The following ELK4 variants were observed in gnomAD, a reference collection of about 807,000 sequenced individuals.
ELK4 encodes the protein ETS transcription factor ELK4, also known as ETS domain-containing protein Elk-4.
In ELK4, 16 loss-of-function variants were observed where a neutral mutation model predicts 29.6. That is an observed-to-expected ratio of 0.54 (90% CI 0.37 to 0.82). The LOEUF (loss-of-function observed/expected upper bound fraction) is 0.82, where lower values mean the gene tolerates loss of function less well. Among genes scored for constraint, ELK4 ranks in the 40% least tolerant of loss-of-function variants. The probability of loss-of-function intolerance (pLI) is 0.00; values close to 1 mark genes in which losing one functional copy is unlikely to be tolerated. For missense variants in ELK4, 465 were observed against 507.1 expected (o/e 0.92, Z 0.80); for synonymous variants, 213 against 191.1 (o/e 1.11, Z -0.95).
At position 205,614,155 on chromosome 1, in the gene ELK4, C is replaced by CA; in HGVS notation, c.*2390dup. On this transcript the variant is annotated 3_prime_UTR_variant, in exon 5 of 5. Transcript: ENST00000357992. ...ACCTCTGAGAGGCTATAGATTTATGCAAAAAGGACTCACTAAAATGGTTTA... is the reference window on the plus strand; with the variant it reads ...ACCTCTGAGAGGCTATAGATTTATGCAAAAAAGGACTCACTAAAATGGTTTA... 1 of 221,480 alleles carries CA rather than the reference C, an allele frequency of 4.5e-6. No homozygotes were observed. The highest frequency in any genetic ancestry group is 9.0e-6 in the Non-Finnish European group (1 of 110,656). The allele number at this position is 221,480 out of a possible 1,614,324, so 13.7% of individuals were successfully genotyped here. A position where few individuals can be genotyped will look rare whatever the true frequency, so the allele number is the denominator to read the frequency against.
intron 1 of ELK4, chr1:205,626,278 A>AG: frequency 2.5e-6 from 1 of 405,342 alleles, no homozygotes; most frequent in East Asian, 5.1e-5. Flanking sequence ...TTAATGTTTG[A>AG]GGCTTTCTTT....
At position 205,620,016 on chromosome 1, in the gene ELK4, G is replaced by A. The variant is rs1383801602; in HGVS notation, c.1030C>T (p.Leu344=). The A allele has an allele frequency of 6.2e-7, 1 of 1,614,240 alleles. No individual in the cohort carries two copies. The highest frequency in any genetic ancestry group is 8.5e-7 in the Non-Finnish European group (1 of 1,180,040). The change falls in exon 3 of 5, where the codon CTG becomes TTG. Residue 344 remains leucine, a synonymous_variant. Coordinates refer to ENST00000357992, the MANE Select transcript of ELK4 (RefSeq NM_001973.4). ...TSSDPSPLGI[L]SPSLPTASLT... is the part of the protein sequence containing the mutation. ...GAAGCTGTAGGGAGAGATGGGCTCA[G>A]TATTCCCAGTGGGCTTGGATCACTG...
rs1332778477 is a variant in ELK4 at position 205,610,857 on chromosome 1, G to A, written c.*5689C>T. Reference sequence around the variant, plus strand: ...ATTTACTAGGACAATAAATCAGAATGACTTGGAAAAAGAAATGGTCTAGTC... The same window carrying A: ...ATTTACTAGGACAATAAATCAGAATAACTTGGAAAAAGAAATGGTCTAGTC... On this transcript the variant is annotated 3_prime_UTR_variant, in exon 5 of 5. Transcript: ENST00000357992. 1 of 230,464 alleles carries A rather than the reference G, an allele frequency of 4.3e-6. No individual in the cohort carries two copies. The highest frequency in any genetic ancestry group is 8.6e-6 in the Non-Finnish European group (1 of 116,466). The allele number at this position is 230,464 out of a possible 1,614,324, so 14.3% of individuals were successfully genotyped here.
At chr1:205,630,122 T>C (rs1174638816) in intron 1 of ELK4, among the ~76,000 whole-genome samples, 3 of 152,104 alleles carry the variant, frequency 2.0e-5, no homozygotes, top group Admixed American at 1.3e-4. Flanking sequence ...GCTAATTACT[T>C]GATTTTCCTT....
intron 2 of ELK4, 67 bp downstream of exon 2, chr1:205,623,609 C>A: frequency 5.7e-6 from 9 of 1,577,302 alleles, no homozygotes; most frequent in Non-Finnish European, 7.8e-6. Context: ...GCCACTGTGC[C>A]CAGCCAAGAA....
chr1:205,627,546 T>C (rs1214306530), intron 1 of ELK4, among the ~76,000 whole-genome samples: 2 of 151,252 alleles, frequency 1.3e-5, no homozygotes, highest in Non-Finnish European at 1.5e-5. Flanking sequence ...TAAACTTAGA[T>C]TGTGTTCATG....
intron 1 of ELK4, among the ~76,000 whole-genome samples, chr1:205,629,257 A>G (rs940223215): frequency 1.3e-5 from 2 of 152,164 alleles, no homozygotes; most frequent in Non-Finnish European, 2.9e-5. Context: ...AAAAGATATA[A>G]AGTGGACATT....
intron 1 of ELK4, among the ~76,000 whole-genome samples, chr1:205,630,322 G>A (rs1029492322): frequency 5.9e-5 from 9 of 152,164 alleles, no homozygotes; most frequent in Admixed American, 5.9e-4. Context: ...AAGGGAGCAT[G>A]TTGAAGTAAT....
chr1:205,623,648 T>A, intron 2 of ELK4, 28 bp downstream of exon 2: 1 of 1,611,024 alleles, frequency 6.2e-7, no homozygotes, highest in East Asian at 2.2e-5. Context: ...AGGTTCTCTG[T>A]ATAGTATAAG....
At position 205,614,483 on chromosome 1, in the gene ELK4, C is replaced by T. The variant is rs1337621785; in HGVS notation, c.*2063G>A. 1 of 228,016 alleles carries T rather than the reference C, an allele frequency of 4.4e-6. No individual in the cohort carries two copies. Among genetic ancestry groups the T allele is most frequent in the African/African-American group, 2.2e-5 (1 of 44,984 alleles). The allele number at this position is 228,016 out of a possible 1,614,324, so 14.1% of individuals were successfully genotyped here. Reference sequence around the variant, plus strand: ...AATAATTTAATATGGAAAAAAAAGTCCAATATGTCTGTTCCCCATCACTAT... The same window carrying T: ...AATAATTTAATATGGAAAAAAAAGTTCAATATGTCTGTTCCCCATCACTAT... On this transcript the variant is annotated 3_prime_UTR_variant, in exon 5 of 5. Transcript: ENST00000357992.
Position 205,623,891 on chromosome 1 carries a change from G to T in ELK4, c.-9C>A, listed in dbSNP as rs757153256. 1.2e-6 allele frequency: 2 copies of T among 1,613,694 alleles called. No homozygotes were observed. Among genetic ancestry groups the T allele is most frequent in the Non-Finnish European group, 1.7e-6 (2 of 1,179,648 alleles). ...GTGATAGCACTGTCCATAGCAATGA[G>T]CTGAAAGAATATAGATAAGATATGT... On this transcript the variant is annotated splice_region_variant and 5_prime_UTR_variant, in exon 2 of 5. Coordinates refer to ENST00000357992, the MANE Select transcript of ELK4 (RefSeq NM_001973.4).
intron 2 of ELK4, among the ~76,000 whole-genome samples, chr1:205,621,950 G>A (rs1388791782): frequency 1.3e-5 from 2 of 151,570 alleles, no homozygotes; most frequent in Non-Finnish European, 2.9e-5. Flanking sequence ...AGTGGCTCAC[G>A]CCTGTAATCC....
rs1670208173 is a variant in ELK4, at chr1:205,614,957, A to C, written c.*1589T>G. On this transcript the variant is annotated 3_prime_UTR_variant, in exon 5 of 5. Coordinates refer to ENST00000357992, the MANE Select transcript of ELK4 (RefSeq NM_001973.4). ...TATCAATTCAGTTTGGGGAACCAACAAATCTGTACCTGGCATTGATTACCA... is the reference window on the plus strand; with the variant it reads ...TATCAATTCAGTTTGGGGAACCAACCAATCTGTACCTGGCATTGATTACCA... 4.6e-6 allele frequency: 1 copy of C among 215,506 alleles called. No individual in the cohort carries two copies. The highest frequency in any genetic ancestry group is 9.3e-6 in the Non-Finnish European group (1 of 106,988). The allele number at this position is 215,506 out of a possible 1,614,324, so 13.3% of individuals were successfully genotyped here. A position where few individuals can be genotyped will look rare whatever the true frequency, so the allele number is the denominator to read the frequency against.
At position 205,608,126 on chromosome 1, in the gene ELK4, T is replaced by A. The variant is rs1196753912; in HGVS notation, c.*8420A>T. Reference sequence around the variant, plus strand: ...TCAGTTCTTACATAAAATAGATTTTTAAAAATGTATATCTTTCCTAAAAGA... The same window carrying A: ...TCAGTTCTTACATAAAATAGATTTTAAAAAATGTATATCTTTCCTAAAAGA... On this transcript the variant is annotated 3_prime_UTR_variant, in exon 5 of 5. Transcript: ENST00000357992. 2 of 184,996 alleles carry A rather than the reference T, an allele frequency of 1.1e-5. No individual in the cohort carries two copies. The highest frequency in any genetic ancestry group is 2.3e-5 in the Non-Finnish European group (2 of 87,312). The allele number at this position is 184,996 out of a possible 1,614,324, so 11.5% of individuals were successfully genotyped here.
At chr1:205,626,804 T>C (rs970464185) in intron 1 of ELK4, among the ~76,000 whole-genome samples, 6 of 152,312 alleles carry the variant, frequency 3.9e-5, no homozygotes, top group East Asian at 1.9e-4. Flanking sequence ...CCTAGGTATA[T>C]ACCCAAAAGA....
chr1:205,617,494 T>G (rs1670249858), intron 4 of ELK4, among the ~76,000 whole-genome samples: 1 of 152,032 alleles, frequency 6.6e-6, no homozygotes, highest in Non-Finnish European at 1.5e-5. Flanking sequence ...GAAGAGATAA[T>G]ATTCATTTTT....
At position 205,619,391 on chromosome 1, in the gene ELK4, T is replaced by C. The variant is rs113980333; in HGVS notation, c.1081-318A>G. ...TGCTCAACCTCTTTTTAAGCCAACA[T>C]TTATAAAGTCTTTTCCAAATAGAAA... On this transcript the variant is annotated intron_variant, in intron 3 of 4. Transcript: ENST00000357992. 8 of 1,059,554 alleles carry C rather than the reference T, an allele frequency of 7.6e-6. No individual in the cohort carries two copies. The Admixed American group carries it at 3.2e-4, about 43-fold the overall frequency. The allele number at this position is 1,059,554 out of a possible 1,614,324, so 65.6% of individuals were successfully genotyped here.
chr1:205,616,901 C>T (rs1558019921), intron 4 of ELK4, among the ~76,000 whole-genome samples: 1 of 152,220 alleles, frequency 6.6e-6, no homozygotes, highest in Admixed American at 6.5e-5. Context: ...CCTGTACCCT[C>T]CTTCATATCC....
At chr1:205,626,132 C>T in intron 1 of ELK4, 1 of 740,388 alleles carries the variant, frequency 1.4e-6, no homozygotes, top group Non-Finnish European at 2.5e-6. Context: ...CCTACAGTGA[C>T]CAAAGTGTCT....
Sources: allele counts gnomAD v4.1 joint callset (sites outside exome capture counted in the v4.1 genomes callset), GRCh38; gene constraint gnomAD v4.1.1; transcripts MANE v1.5; gene names NCBI Gene and HGNC (gene_info 2026-07-23, HGNC 2026-07-21).